Variants in TARBP1 observed in about 807,000 individuals in gnomAD.
The protein encoded by TARBP1 is tRNA guanosine 2 -O-methyltransferase TARBP1, also known as tRNA (guanosine(18)-2'-O)-methyltransferase TARBP1.
TARBP1 carries 144 observed loss-of-function variants against 178.6 expected under a neutral mutation model. The ratio of observed to expected loss-of-function variants is 0.81; its 90% confidence interval spans 0.70 to 0.93. The LOEUF is 0.93. Ranked by LOEUF, TARBP1 falls within the 40% of genes least tolerant of loss-of-function variation. The pLI, the probability that TARBP1 is intolerant of heterozygous loss-of-function variation, is 0.00. For synonymous variants in TARBP1, 787 were observed against 781.0 expected (o/e 1.01, Z -0.13); for missense variants, 2,067 against 2,011.7 (o/e 1.03, Z -0.53).
chr1:234,451,341 G>T (rs1666730371), intron 9 of TARBP1, among the ~76,000 whole-genome samples: 1 of 152,190 alleles, frequency 6.6e-6, no homozygotes, highest in African/African-American at 2.4e-5. Context: ...ATTATGAAAT[G>T]AGTCTTTCTA....
At chr1:234,457,068 G>A (rs1045919408) in intron 9 of TARBP1, among the ~76,000 whole-genome samples, 1 of 152,166 alleles carries the variant, frequency 6.6e-6, no homozygotes, top group African/African-American at 2.4e-5. Flanking sequence ...GCCCTGAAGA[G>A]TCCTGAGGAA....
At chr1:234,424,659 C>T (rs1325250403) in intron 20 of TARBP1, among the ~76,000 whole-genome samples, 1 of 152,190 alleles carries the variant, frequency 6.6e-6, no homozygotes, top group Non-Finnish European at 1.5e-5. Flanking sequence ...AGCACAGTAG[C>T]TCACACCTCT....
intron 11 of TARBP1, 82 bp from the exon 12 acceptor site, chr1:234,447,057 G>T: frequency 6.8e-7 from 1 of 1,474,828 alleles, no homozygotes; most frequent in South Asian, 1.2e-5. Context: ...GGTGAAAACT[G>T]GTTAGCTAAT....
intron 8 of TARBP1, among the ~76,000 whole-genome samples, chr1:234,458,098 C>T (rs1167625062): frequency 6.6e-6 from 1 of 151,868 alleles, no homozygotes; most frequent in African/African-American, 2.4e-5. Flanking sequence ...AATCCCAGCA[C>T]ATTGGGAGCC....
chr1:234,457,885 G>T, intron 8 of TARBP1, 129 bp from the exon 9 acceptor site: 1 of 537,346 alleles, frequency 1.9e-6, no homozygotes, highest in Non-Finnish European at 3.3e-6. Flanking sequence ...TCAAAAGAAA[G>T]CAAATATCAT....
chr1:234,464,123 G>A (rs1668189500), intron 5 of TARBP1, among the ~76,000 whole-genome samples, 189 bp from the exon 6 acceptor site: 2 of 152,070 alleles, frequency 1.3e-5, no homozygotes, highest in Admixed American at 1.3e-4. Context: ...AGAAACATCA[G>A]GAACTTGTAG....
intron 24 of TARBP1, among the ~76,000 whole-genome samples, chr1:234,401,594 A>G (rs1279635471): frequency 1.3e-5 from 2 of 152,218 alleles, no homozygotes; most frequent in African/African-American, 4.8e-5. Flanking sequence ...TCACAAACCA[A>G]ACAAATTTAC....
intron 12 of TARBP1, among the ~76,000 whole-genome samples, chr1:234,440,086 A>C (rs1665442026): frequency 6.6e-6 from 1 of 152,194 alleles, no homozygotes; most frequent in African/African-American, 2.4e-5. Flanking sequence ...GTAACTAGGA[A>C]AGTCTCCAAA....
At chr1:234,408,217 T>A in intron 23 of TARBP1, among the ~76,000 whole-genome samples, 1 of 151,826 alleles carries the variant, frequency 6.6e-6, no homozygotes, top group East Asian at 1.9e-4. Context: ...TTTTTTTTCC[T>A]TTTATAGGAA....
Position 234,429,491 on chromosome 1 carries a change from T to C in TARBP1, c.2796A>G (p.Ala932=). 6.2e-7 allele frequency: 1 copy of C among 1,614,234 alleles called. No homozygotes were observed. The highest frequency in any genetic ancestry group is 1.1e-5 in the South Asian group (1 of 91,086). The change falls in exon 16 of 30, where the codon GCA becomes GCG. Residue 932 remains alanine (A), a synonymous_variant. Coordinates refer to ENST00000040877, the MANE Select transcript of TARBP1 (RefSeq NM_005646.4). The part of the protein sequence containing the change: ...VQMPIRTLQS[A]LEALTVLSSD... Reference sequence around the variant, plus strand: ...AAGAAAGAACTGTGAGGGCTTCTAGTGCAGACTGCAAAGTCCTTATTGGCA... The same window carrying C: ...AAGAAAGAACTGTGAGGGCTTCTAGCGCAGACTGCAAAGTCCTTATTGGCA...
At chr1:234,471,768 T>C (rs906203000) in intron 2 of TARBP1, among the ~76,000 whole-genome samples, 3 of 152,252 alleles carry the variant, frequency 2.0e-5, no homozygotes, top group African/African-American at 7.2e-5. Context: ...GGGGGTTTTA[T>C]GGATCTACTG....
intron 2 of TARBP1, among the ~76,000 whole-genome samples, chr1:234,471,626 A>G (rs140985196): frequency 2.2e-4 from 34 of 152,344 alleles, no homozygotes; most frequent in South Asian, 4.1e-4. Flanking sequence ...TCATGGCTGC[A>G]CACGCTTAGA....
rs931242676 is a variant in TARBP1, at chr1:234,432,599, T to C, written c.2394+811A>G. 3.5e-4 allele frequency among the ~76,000 whole-genome samples: 53 copies of C among 152,180 alleles called. 1 individual carries two copies. Among genetic ancestry groups the C allele is most frequent in the Middle Eastern group, 3.2e-3 (1 of 316 alleles). ...ACCTCTAAGAGAAAAGAGATTCCAG[T>C]TGGTCCATAAAAGGGGAGACCAGAT... On this transcript the variant is annotated intron_variant, in intron 14 of 29. Transcript: ENST00000040877.
At chr1:234,442,339 T>C (rs1269826705) in intron 12 of TARBP1, among the ~76,000 whole-genome samples, 1 of 152,194 alleles carries the variant, frequency 6.6e-6, no homozygotes, top group Admixed American at 6.5e-5. Flanking sequence ...AAACCACATA[T>C]CTGACAAAGG....
chr1:234,413,207 G>A (rs1662042703), intron 22 of TARBP1, among the ~76,000 whole-genome samples: 1 of 152,098 alleles, frequency 6.6e-6, no homozygotes, highest in South Asian at 2.1e-4. Context: ...GCCCAGCCAG[G>A]CCCAGACAAC....
chr1:234,429,174 C>A lies in TARBP1; in HGVS notation c.3022G>T (p.Ala1008Ser). 2 of 1,587,400 alleles carry A rather than the reference C, an allele frequency of 1.3e-6. No individual in the cohort carries two copies. The highest frequency in any genetic ancestry group is 1.7e-6 in the Non-Finnish European group (2 of 1,173,354). The change falls in exon 17 of 30, where the codon GCC (alanine) becomes TCC (serine). Residue 1008 changes from alanine (A) to serine (S), a missense_variant. Transcript: ENST00000040877. Reference protein sequence around the residue: ...VFDNKVLTIAAKIKGQAYFKI... With the variant: ...VFDNKVLTIASKIKGQAYFKI... ...AAATATGCCTGGCCCTTGATTTTGG[C>A]AGCAATGGTAAGAACTTTGTTATCA...
chr1:234,446,867 T>A lies in TARBP1; in HGVS notation c.2070A>T (p.Arg690Ser). ...NAYMPLLKTD[R>S]CLQLLLKLLN... ...ACAGCTTCAACAGCAGCTGGAGGCA[T>A]CTGTCAGTCTTCAGCAAGGGCATGT... The change falls in exon 12 of 30, where the codon AGA becomes AGT. Residue 690 changes from arginine (R) to serine (S), a missense_variant. Transcript: ENST00000040877. 1 of 1,614,060 alleles carries A rather than the reference T, an allele frequency of 6.2e-7. No individual in the cohort carries two copies. Among genetic ancestry groups the A allele is most frequent in the Non-Finnish European group, 8.5e-7 (1 of 1,179,988 alleles).
intron 12 of TARBP1, among the ~76,000 whole-genome samples, chr1:234,442,363 A>G (rs1572335688): frequency 6.6e-6 from 1 of 152,348 alleles, no homozygotes; most frequent in Admixed American, 6.5e-5. Context: ...AACTTGGCAG[A>G]AGATTTAATA....
intron 7 of TARBP1, among the ~76,000 whole-genome samples, chr1:234,459,926 TTC>T (rs1667678372): frequency 1.3e-5 from 2 of 152,306 alleles, no homozygotes; most frequent in South Asian, 2.1e-4. Flanking sequence ...TTTAAATACT[TTC>T]TGTTAAATAT....
Sources: gnomAD v4.1 joint callset for allele counts (sites outside exome capture counted in the v4.1 genomes callset) on GRCh38, gnomAD v4.1.1 for gene constraint, MANE v1.5 for transcripts, NCBI Gene and HGNC (gene_info 2026-07-23, HGNC 2026-07-21) for gene names.